The following KCNC2 variants were observed in gnomAD, a reference collection of about 807,000 sequenced individuals.
KCNC2 encodes the protein voltage-gated potassium channel KCNC2.
A neutral mutation model predicts 44.5 loss-of-function variants in KCNC2; 21 were observed. That is an observed-to-expected ratio of 0.47 (90% CI 0.33 to 0.68). KCNC2 has a LOEUF of 0.68. Among genes scored for constraint, KCNC2 ranks in the 30% least tolerant of loss-of-function variants. The pLI is 0.01. For missense variants in KCNC2, 589 were observed against 826.2 expected (o/e 0.71, Z 3.52); for synonymous variants, 391 against 339.1 (o/e 1.15, Z -1.68).
intron 2 of KCNC2, among the ~76,000 whole-genome samples, chr12:75,100,165 G>T (rs1886260805): frequency 6.6e-6 from 1 of 152,032 alleles, no homozygotes; most frequent in African/African-American, 2.4e-5. Flanking sequence ...ACATTAAATA[G>T]TAGGCGAGTT....
chr12:75,133,603 A>T (rs1889013536), intron 2 of KCNC2, among the ~76,000 whole-genome samples: 1 of 152,022 alleles, frequency 6.6e-6, no homozygotes, highest in Non-Finnish European at 1.5e-5. Context: ...CATATATAAA[A>T]TTTTTACTAT....
chr12:75,180,030 A>G (rs1018526965), intron 2 of KCNC2, among the ~76,000 whole-genome samples: 1 of 151,830 alleles, frequency 6.6e-6, no homozygotes, highest in Non-Finnish European at 1.5e-5. Flanking sequence ...AACAACACCA[A>G]AATTTATTAT....
At chr12:75,063,779 C>A (rs148506553) in intron 2 of KCNC2, among the ~76,000 whole-genome samples, 166 of 152,100 alleles carry the variant, frequency 1.1e-3, no homozygotes, top group African/African-American at 3.9e-3. Flanking sequence ...TGCATATGAA[C>A]CAGAGACAGG....
intron 3 of KCNC2, among the ~76,000 whole-genome samples, chr12:75,049,123 A>G (rs2136936993): frequency 6.6e-6 from 1 of 152,318 alleles, no homozygotes; most frequent in South Asian, 2.1e-4. Context: ...TGTTAGATAT[A>G]TATTAGAAGA....
chr12:75,056,487 A>C (rs1881759662), intron 2 of KCNC2, among the ~76,000 whole-genome samples: 1 of 151,908 alleles, frequency 6.6e-6, no homozygotes, highest in Non-Finnish European at 1.5e-5. Flanking sequence ...TTTAGTTTGT[A>C]TTTCTAAGGA....
chr12:75,094,330 C>T (rs73353787), intron 2 of KCNC2, among the ~76,000 whole-genome samples: 1,603 of 151,588 alleles, frequency 0.011, 39 homozygotes, highest in African/African-American at 0.037. Flanking sequence ...ATTCCTTTAC[C>T]AAGATAACAC....
At chr12:75,186,518 A>T (rs1424621035) in intron 2 of KCNC2, among the ~76,000 whole-genome samples, 1 of 132,650 alleles carries the variant, frequency 7.5e-6, no homozygotes, top group Non-Finnish European at 1.5e-5. Flanking sequence ...TTCTGTTGTA[A>T]AAAAAGGTTA....
At chr12:75,142,783 G>A (rs1196996059) in intron 2 of KCNC2, among the ~76,000 whole-genome samples, 2 of 152,130 alleles carry the variant, frequency 1.3e-5, no homozygotes, top group Admixed American at 6.6e-5. Flanking sequence ...AGCATCCCAA[G>A]ACAATATACA....
chr12:75,059,985 G>A (rs1049738740), intron 2 of KCNC2, among the ~76,000 whole-genome samples: 1 of 151,850 alleles, frequency 6.6e-6, no homozygotes, highest in Admixed American at 6.6e-5. Flanking sequence ...CCTTTTCTTG[G>A]CGTTTTATAA....
chr12:75,159,071 G>A (rs549512165), intron 2 of KCNC2, among the ~76,000 whole-genome samples: 2 of 143,894 alleles, frequency 1.4e-5, no homozygotes, highest in African/African-American at 5.1e-5. Context: ...TGAAAAATGA[G>A]AACACATGGA....
intron 2 of KCNC2, among the ~76,000 whole-genome samples, chr12:75,070,828 A>G (rs1314771781): frequency 1.3e-5 from 2 of 152,078 alleles, no homozygotes; most frequent in Non-Finnish European, 2.9e-5. Flanking sequence ...ATTTCGATAA[A>G]CTATTTTTTA....
At chr12:75,092,588 T>C (rs182123805) in intron 2 of KCNC2, among the ~76,000 whole-genome samples, 11 of 151,790 alleles carry the variant, frequency 7.2e-5, no homozygotes, top group Admixed American at 6.6e-4. Context: ...CAAGGCAAAT[T>C]AGACAAAGAC....
chr12:75,103,292 C>A (rs1282476690), intron 2 of KCNC2, among the ~76,000 whole-genome samples: 3 of 152,280 alleles, frequency 2.0e-5, no homozygotes, highest in South Asian at 4.1e-4. Context: ...GGGGTTTACC[C>A]CCCTATTTGT....
At position 75,042,955 on chromosome 12, in the gene KCNC2, G is replaced by T. The variant is rs1321359565; in HGVS notation, c.*150C>A. 1 of 1,409,682 alleles carries T rather than the reference G, an allele frequency of 7.1e-7. No homozygotes were observed. Among genetic ancestry groups the T allele is most frequent in the Non-Finnish European group, 9.2e-7 (1 of 1,082,474 alleles). The allele number at this position is 1,409,682 out of a possible 1,614,324, so 87.3% of individuals were successfully genotyped here. A position where few individuals can be genotyped will look rare whatever the true frequency, so the allele number is the denominator to read the frequency against. On this transcript the variant is annotated 3_prime_UTR_variant, in exon 5 of 5. Transcript: ENST00000549446. ...GTAAGATTCATTAGCTACCCAAGTG[G>T]CATTTCTGACTTCAAATTGTAGTAT...
At chr12:75,188,925 T>C (rs1344048034) in intron 2 of KCNC2, among the ~76,000 whole-genome samples, 1 of 151,898 alleles carries the variant, frequency 6.6e-6, no homozygotes, top group African/African-American at 2.4e-5. Context: ...CACACTATAA[T>C]AGCCCAGGAA....
At chr12:75,062,248 A>G (rs1882417166) in intron 2 of KCNC2, among the ~76,000 whole-genome samples, 1 of 152,098 alleles carries the variant, frequency 6.6e-6, no homozygotes, top group Non-Finnish European at 1.5e-5. Flanking sequence ...AGAATCTTCA[A>G]CTCAACTGAT....
intron 2 of KCNC2, among the ~76,000 whole-genome samples, chr12:75,182,412 A>T (rs1055895239): frequency 2.0e-5 from 3 of 151,152 alleles, no homozygotes; most frequent in Non-Finnish European, 2.9e-5. Context: ...AGTCCCAGCT[A>T]CTTGGGAGGC....
rs117207538 is a variant in KCNC2 at position 75,166,276 on chromosome 12, T to C, written c.687+41021A>G. On this transcript the variant is annotated intron_variant, in intron 2 of 4. Transcript: ENST00000549446. ...CATCAGGAAAATATAAGTAGAAGCA[T>C]ATATGCATCTGAACCTGAACCCCAG... Among the ~76,000 whole-genome samples, 874 of 151,176 alleles carry C rather than the reference T, an allele frequency of 5.8e-3. 4 individuals carry two copies. Among genetic ancestry groups the C allele is most frequent in the Admixed American group, 0.01 (155 of 15,124 alleles).
intron 2 of KCNC2, among the ~76,000 whole-genome samples, chr12:75,178,973 T>A (rs1191500498): frequency 6.6e-6 from 1 of 151,876 alleles, no homozygotes; most frequent in Non-Finnish European, 1.5e-5. Flanking sequence ...CTTGAATGTT[T>A]TTTCCCTATA....
Sources: gnomAD v4.1 joint callset for allele counts (sites outside exome capture counted in the v4.1 genomes callset) on GRCh38, gnomAD v4.1.1 for gene constraint, MANE v1.5 for transcripts, NCBI Gene and HGNC (gene_info 2026-07-23, HGNC 2026-07-21) for gene names.